The following SLC10A7 variants were observed in gnomAD, a reference collection of about 807,000 sequenced individuals.
SLC10A7 encodes the protein sodium/bile acid cotransporter 7.
A neutral mutation model predicts 43.2 loss-of-function variants in SLC10A7; 29 were observed. The ratio of observed to expected loss-of-function variants is 0.67; its 90% CI spans 0.50 to 0.92. The LOEUF (loss-of-function observed/expected upper bound fraction) is 0.92, where lower values mean the gene tolerates loss of function less well. Among genes scored for constraint, SLC10A7 ranks in the 40% least tolerant of loss-of-function variants. The pLI, the probability that SLC10A7 is intolerant of heterozygous loss-of-function variation, is 0.00. For synonymous variants in SLC10A7, 152 were observed against 144.8 expected (o/e 1.05, Z -0.35); for missense variants, 295 against 403.2 (o/e 0.73, Z 2.30).
chr4:146,340,692 A>G (rs1428347350), intron 5 of SLC10A7, among the ~76,000 whole-genome samples: 1 of 151,926 alleles, frequency 6.6e-6, no homozygotes, highest in Admixed American at 6.6e-5. Flanking sequence ...ACTTATCCCA[A>G]TAAAATTACT....
intron 5 of SLC10A7, among the ~76,000 whole-genome samples, chr4:146,384,054 A>C (rs1171569368): frequency 6.6e-6 from 1 of 152,028 alleles, no homozygotes; most frequent in East Asian, 1.9e-4. Context: ...GTATCAAATA[A>C]TCTCTGAGAT....
chr4:146,496,331 A>G (rs931848146), intron 4 of SLC10A7, among the ~76,000 whole-genome samples: 5 of 152,300 alleles, frequency 3.3e-5, no homozygotes, highest in African/African-American at 1.2e-4. Context: ...CATACTGAGT[A>G]CTTTTGAGCT....
At chr4:146,281,789 T>C (rs1017092409) in intron 10 of SLC10A7, among the ~76,000 whole-genome samples, 1 of 152,160 alleles carries the variant, frequency 6.6e-6, no homozygotes, top group African/African-American at 2.4e-5. Flanking sequence ...GTAACTAACA[T>C]AGTTATTAGT....
intron 5 of SLC10A7, among the ~76,000 whole-genome samples, chr4:146,391,149 A>C (rs1425982344): frequency 1.3e-5 from 2 of 152,234 alleles, no homozygotes; most frequent in Non-Finnish European, 2.9e-5. Flanking sequence ...AAAAAAGGAC[A>C]TGTAGACCAT....
intron 5 of SLC10A7, among the ~76,000 whole-genome samples, chr4:146,392,473 A>G (rs1738507650): frequency 6.6e-6 from 1 of 152,198 alleles, no homozygotes; most frequent in Non-Finnish European, 1.5e-5. Flanking sequence ...GTGCATGTAT[A>G]TATTTTTATG....
At chr4:146,505,853 C>T (rs1333089772) in intron 3 of SLC10A7, among the ~76,000 whole-genome samples, 35 of 152,166 alleles carry the variant, frequency 2.3e-4, no homozygotes, top group Admixed American at 2.2e-3. Flanking sequence ...TACATACTAT[C>T]TCATTTATTT....
intron 5 of SLC10A7, among the ~76,000 whole-genome samples, chr4:146,376,033 G>A (rs940782282): frequency 2.6e-5 from 4 of 152,236 alleles, no homozygotes; most frequent in East Asian, 1.9e-4. Context: ...CTTTACTTAC[G>A]TTTACCCATT....
intron 6 of SLC10A7, among the ~76,000 whole-genome samples, chr4:146,313,572 C>T (rs867111487): frequency 2.0e-5 from 3 of 151,806 alleles, no homozygotes; most frequent in Admixed American, 6.6e-5. Flanking sequence ...GCATCTCACA[C>T]GTGTGTCCAT....
At chr4:146,494,474 G>C (rs1223814983) in intron 4 of SLC10A7, among the ~76,000 whole-genome samples, 1 of 152,118 alleles carries the variant, frequency 6.6e-6, no homozygotes, top group African/African-American at 2.4e-5. Context: ...ATAAAGAGAA[G>C]GATTCAGAAA....
rs78506838 is a variant in SLC10A7, at chr4:146,267,564, C to T, written c.848-8727G>A. ...TGCAGATTGTGCTGCCTTACCCTTG[C>T]CAGTGATTTATGTTTTACTTGCTTC... On this transcript the variant is annotated intron_variant, in intron 10 of 11. Transcript: ENST00000335472. Among the ~76,000 whole-genome samples the T allele has an allele frequency of 9.2e-3, 1,399 of 152,268 alleles. 26 individuals are homozygous for T. The highest frequency in any genetic ancestry group is 0.032 in the African/African-American group (1,311 of 41,534).
rs563304267 is a variant in SLC10A7, at chr4:146,366,960, AT to A, written c.436-40965del. On this transcript the variant is annotated intron_variant, in intron 5 of 11. Transcript: ENST00000335472. The stretch of plus-strand genomic sequence containing the variant: ...CAAAGAAACTTCTATTCCAATTCAG[AT>A]TTTTTTTTCTTCTGCCCAAGCAATA... Among the ~76,000 whole-genome samples, 414 of 149,132 alleles carry A rather than the reference AT, an allele frequency of 2.8e-3. 1 individual carries two copies. Among genetic ancestry groups the A allele is most frequent in the African/African-American group, 9.5e-3 (385 of 40,644 alleles).
At chr4:146,350,245 C>T (rs1435261853) in intron 5 of SLC10A7, among the ~76,000 whole-genome samples, 1 of 151,490 alleles carries the variant, frequency 6.6e-6, no homozygotes, top group Non-Finnish European at 1.5e-5. Flanking sequence ...AGGGAGTTCC[C>T]TTTCTGAGTC....
intron 3 of SLC10A7, among the ~76,000 whole-genome samples, chr4:146,509,599 C>T (rs1737261826): frequency 6.6e-6 from 1 of 152,160 alleles, no homozygotes; most frequent in South Asian, 2.1e-4. Context: ...TAATTGACAT[C>T]CAATTGACTT....
At chr4:146,313,707 A>G (rs1198138613) in intron 6 of SLC10A7, among the ~76,000 whole-genome samples, 2 of 152,166 alleles carry the variant, frequency 1.3e-5, no homozygotes, top group Admixed American at 1.3e-4. Flanking sequence ...TCTATCATAG[A>G]CAGCAAATTA....
chr4:146,394,145 CA>C (rs1161676547), intron 5 of SLC10A7, among the ~76,000 whole-genome samples: 1 of 152,110 alleles, frequency 6.6e-6, no homozygotes, highest in African/African-American at 2.4e-5. Context: ...AGGCCAATAT[CA>C]CCGACTCTGG....
intron 4 of SLC10A7, among the ~76,000 whole-genome samples, chr4:146,502,169 G>A (rs1219920819): frequency 6.6e-6 from 1 of 151,918 alleles, no homozygotes; most frequent in Non-Finnish European, 1.5e-5. Context: ...AATATCACTG[G>A]GAATACAAAT....
chr4:146,427,576 A>T (rs1479950847), intron 5 of SLC10A7, among the ~76,000 whole-genome samples: 1 of 152,204 alleles, frequency 6.6e-6, no homozygotes, highest in Non-Finnish European at 1.5e-5. Context: ...TCTGTGAATT[A>T]AAGGGCAAAA....
intron 5 of SLC10A7, among the ~76,000 whole-genome samples, chr4:146,348,500 C>T (rs944209565): frequency 6.6e-6 from 1 of 152,178 alleles, no homozygotes; most frequent in African/African-American, 2.4e-5. Context: ...TCAGTACCTA[C>T]ATAAATGTGC....
chr4:146,377,683 T>C (rs1737301016), intron 5 of SLC10A7, among the ~76,000 whole-genome samples: 1 of 152,196 alleles, frequency 6.6e-6, no homozygotes, highest in Non-Finnish European at 1.5e-5. Context: ...TTAGGAGCTC[T>C]GTCCCAGGAA....
Sources: allele counts gnomAD v4.1 joint callset (sites outside exome capture counted in the v4.1 genomes callset), GRCh38; gene constraint gnomAD v4.1.1; transcripts MANE v1.5; gene names NCBI Gene and HGNC (gene_info 2026-07-23, HGNC 2026-07-21).